Variants in ZMYND11 observed in about 807,000 individuals in gnomAD.
ZMYND11 encodes the protein zinc finger MYND domain-containing protein 11.
ZMYND11 carries 9 observed loss-of-function variants against 84.9 expected under a neutral mutation model. That is an observed-to-expected ratio of 0.11 (90% CI 0.06 to 0.18). ZMYND11 has a LOEUF of 0.18. ZMYND11 is among the 10% of genes least tolerant of loss of function. The pLI, the probability that ZMYND11 is intolerant of heterozygous loss-of-function variation, is 1.00. For missense variants in ZMYND11, 409 were observed against 761.0 expected, an observed-to-expected ratio of 0.54 and a Z score of 5.44; for synonymous variants, 250 against 244.1, an observed-to-expected ratio of 1.02 and a Z score of -0.23.
In ZMYND11 at chr10:225,814, G is replaced by T. The variant is rs117931648; in HGVS notation, c.438+4458G>T. Among the ~76,000 whole-genome samples, 787 of 152,322 alleles carry T rather than the reference G, an allele frequency of 5.2e-3. 2 individuals are homozygous for T. The highest frequency in any genetic ancestry group is 8.1e-3 in the Non-Finnish European group (552 of 68,038). ...GCCTGCTGGTGAAAATCATGATACTGTAATTCATGGGCAAGGCAGTCTGTC... is the reference window on the plus strand; with the variant it reads ...GCCTGCTGGTGAAAATCATGATACTTTAATTCATGGGCAAGGCAGTCTGTC... On this transcript the variant is annotated intron_variant, in intron 4 of 14. Coordinates refer to ENST00000381604, the MANE Select transcript of ZMYND11 (RefSeq NM_001370100.5).
intron 1 of ZMYND11, among the ~76,000 whole-genome samples, chr10:142,284 G>T (rs922373933): frequency 1.1e-4 from 16 of 152,004 alleles, no homozygotes; most frequent in Non-Finnish European, 1.8e-4. Flanking sequence ...GTAGTGATGG[G>T]GTTTCACCAT....
chr10:248,234 G>T, intron 12 of ZMYND11, 102 bp from the exon 13 acceptor site: 1 of 1,418,696 alleles, frequency 7.0e-7, no homozygotes, highest in Non-Finnish European at 9.6e-7. Flanking sequence ...TTATTCTATG[G>T]CTATTATGTA....
At chr10:155,928 A>G (rs543348923) in intron 1 of ZMYND11, among the ~76,000 whole-genome samples, 22 of 152,206 alleles carry the variant, frequency 1.4e-4, no homozygotes, top group Non-Finnish European at 2.8e-4. Context: ...AGAAACCTAT[A>G]TACAGTTACT....
chr10:135,877 G>A lies in ZMYND11; in HGVS notation c.-20+318G>A, dbSNP rs1554751894. ...CGGAGGACCGCGCGGGGCCTGCTCG[G>A]GCCGGGAAGCCGCGGAGTCGCGTGA... On this transcript the variant is annotated intron_variant, in intron 1 of 14. Coordinates refer to ENST00000381604, the MANE Select transcript of ZMYND11 (RefSeq NM_001370100.5). This position sits in a 1 kb window ranked among gnomAD's most constrained non-coding sequence, Gnocchi z 5.6. Among the ~76,000 whole-genome samples, 1 of 151,232 alleles carries A rather than the reference G, an allele frequency of 6.6e-6. No individual in the cohort carries two copies. Among genetic ancestry groups the A allele is most frequent in the Non-Finnish European group, 1.5e-5 (1 of 67,718 alleles).
At chr10:223,897 T>C (rs1449331689) in intron 4 of ZMYND11, among the ~76,000 whole-genome samples, 1 of 152,134 alleles carries the variant, frequency 6.6e-6, no homozygotes, top group Non-Finnish European at 1.5e-5. Context: ...CTAGAGTCTA[T>C]AGACAGAAAC....
chr10:236,827 T>C lies in ZMYND11; in HGVS notation c.439-11T>C. On this transcript the variant is annotated splice_polypyrimidine_tract_variant and intron_variant, in intron 4 of 14. Transcript: ENST00000381604. The stretch of plus-strand genomic sequence containing the variant: ...ATTTTGTACCTTTTTTTATTCTTTT[T>C]TTTTCAATAGAGCATTAAGAAGAAG... The C allele has an allele frequency of 6.2e-7, 1 of 1,606,578 alleles. No individual in the cohort carries two copies. The highest frequency in any genetic ancestry group is 8.5e-7 in the Non-Finnish European group (1 of 1,175,844).
chr10:144,833 T>G (rs908372764), intron 1 of ZMYND11, among the ~76,000 whole-genome samples: 1 of 150,348 alleles, frequency 6.7e-6, no homozygotes, highest in African/African-American at 2.4e-5. Flanking sequence ...TATGAGATTT[T>G]AGTGCACCCA....
intron 10 of ZMYND11, among the ~76,000 whole-genome samples, chr10:242,770 C>G (rs1589236655): frequency 6.6e-6 from 1 of 152,200 alleles, no homozygotes; most frequent in Admixed American, 6.5e-5. Flanking sequence ...AGAAGCTACA[C>G]AATGAGGGAC....
intron 1 of ZMYND11, among the ~76,000 whole-genome samples, chr10:164,548 A>C (rs1843577213): frequency 6.6e-6 from 1 of 152,226 alleles, no homozygotes; most frequent in Non-Finnish European, 1.5e-5. Flanking sequence ...TAGTATAAAG[A>C]AAAAGAAAGC....
intron 1 of ZMYND11, among the ~76,000 whole-genome samples, chr10:167,969 A>T (rs1554764447): frequency 6.6e-6 from 1 of 152,124 alleles, no homozygotes; most frequent in East Asian, 1.9e-4. Flanking sequence ...ATACCCATTA[A>T]ACAGTAACTC....
chr10:249,163 A>AG, intron 14 of ZMYND11, 75 bp downstream of exon 14: 1 of 1,597,274 alleles, frequency 6.3e-7, no homozygotes, highest in Non-Finnish European at 8.5e-7. Context: ...TTCAGAAGGT[A>AG]GCTGTGGCAC....
rs1952298559 is a variant in ZMYND11 at position 247,017 on chromosome 10, T to G, written c.1158+44T>G. 5.9e-6 allele frequency: 9 copies of G among 1,522,898 alleles called. No individual in the cohort carries two copies. The East Asian group carries it at 2.2e-4, about 37-fold the overall frequency. The allele number at this position is 1,522,898 out of a possible 1,614,324, so 94.3% of individuals were successfully genotyped here. On this transcript the variant is annotated intron_variant, in intron 11 of 14. Transcript: ENST00000381604. ...GGAAGTGCCTATTCATTATTACTTT[T>G]AAATGCAGAAATCTTAGTGCACACT...
chr10:206,680 T>C (rs1385432666), intron 2 of ZMYND11, among the ~76,000 whole-genome samples: 1 of 152,176 alleles, frequency 6.6e-6, no homozygotes, highest in Non-Finnish European at 1.5e-5. Flanking sequence ...TTTTAAATTG[T>C]TGAGTTTAGC....
chr10:251,882 C>G (rs563072256), intron 14 of ZMYND11, among the ~76,000 whole-genome samples: 1 of 150,086 alleles, frequency 6.7e-6, no homozygotes, highest in East Asian at 1.9e-4. Context: ...GACTTGGCCA[C>G]TAGATTTGAA....
rs79352111 is a variant in ZMYND11, at chr10:172,183, G to C, written c.-19-7811G>C. ...CCCAAAGTCTTCACCTCGTAATGCC[G>C]TCACCTTGGGGTTTAATTTCCCACG... On this transcript the variant is annotated intron_variant, in intron 1 of 14. Coordinates refer to ENST00000381604, the MANE Select transcript of ZMYND11 (RefSeq NM_001370100.5). Among the ~76,000 whole-genome samples the C allele has an allele frequency of 2.2e-4, 34 of 152,240 alleles. No individual in the cohort carries two copies. In the East Asian group the frequency reaches 6.0e-3, roughly 27 times the overall value.
At position 138,182 on chromosome 10, in the gene ZMYND11, T is replaced by G. The variant is rs573654583; in HGVS notation, c.-20+2623T>G. ...TGGAGTGCAGTGGTGTGATCTCGGCTTACTGCAACCCCTGCCTCCCAGGCT... is the reference window on the plus strand; with the variant it reads ...TGGAGTGCAGTGGTGTGATCTCGGCGTACTGCAACCCCTGCCTCCCAGGCT... On this transcript the variant is annotated intron_variant, in intron 1 of 14. Coordinates refer to ENST00000381604, the MANE Select transcript of ZMYND11 (RefSeq NM_001370100.5). Among the ~76,000 whole-genome samples, 6 of 148,136 alleles carry G rather than the reference T, an allele frequency of 4.1e-5. No homozygotes were observed. The East Asian group carries it at 1.2e-3, about 31-fold the overall frequency.
chr10:163,722 A>C (rs1347607784), intron 1 of ZMYND11, among the ~76,000 whole-genome samples: 2 of 151,816 alleles, frequency 1.3e-5, no homozygotes, highest in African/African-American at 4.8e-5. Context: ...CTCTTTCTTT[A>C]TTGAGAAGCT....
chr10:138,241 C>T (rs1836620314), intron 1 of ZMYND11, among the ~76,000 whole-genome samples: 1 of 148,124 alleles, frequency 6.8e-6, no homozygotes, highest in Non-Finnish European at 1.5e-5. Flanking sequence ...TCCCGGGTAG[C>T]TCGTACTACA....
chr10:222,430 A>C lies in ZMYND11; in HGVS notation c.438+1074A>C, dbSNP rs895202843. Among the ~76,000 whole-genome samples the C allele has an allele frequency of 2.0e-5, 3 of 152,276 alleles. No individual in the cohort carries two copies. In the East Asian group the frequency reaches 5.8e-4, roughly 29 times the overall value. On this transcript the variant is annotated intron_variant, in intron 4 of 14. Transcript: ENST00000381604. ...ATGTTTAATGATGACTTGCCACTCA[A>C]ATGCCTAGGTGCCAAATAAGTCATG...
Sources: allele counts gnomAD v4.1 joint callset (sites outside exome capture counted in the v4.1 genomes callset), GRCh38; gene constraint gnomAD v4.1.1; non-coding constraint Gnocchi (gnomAD v3.1); transcripts MANE v1.5; gene names NCBI Gene and HGNC (gene_info 2026-07-23, HGNC 2026-07-21).